Variants in DCHS2 observed in about 807,000 individuals in gnomAD.
DCHS2 encodes protocadherin-23.
A neutral mutation model predicts 182.4 loss-of-function variants in DCHS2; 142 were observed. The ratio of observed to expected loss-of-function variants is 0.78; its 90% CI spans 0.68 to 0.89. The LOEUF (loss-of-function observed/expected upper bound fraction) is 0.89, where lower values mean the gene tolerates loss of function less well. Ranked by LOEUF, DCHS2 falls within the 40% of genes least tolerant of loss-of-function variation. The pLI, the probability that DCHS2 is intolerant of heterozygous loss-of-function variation, is 0.00. For missense variants in DCHS2, 4,319 were observed against 4,198.6 expected (o/e 1.03, Z -0.79); for synonymous variants, 1,740 against 1,663.3 (o/e 1.05, Z -1.12).
At position 154,253,170 on chromosome 4, in the gene DCHS2, GGA is replaced by G. The variant is rs150322346; in HGVS notation, c.6941+2347_6941+2348del. 8.4e-3 allele frequency among the ~76,000 whole-genome samples: 1,236 copies of G among 147,538 alleles called. 10 individuals are homozygous for G. Among genetic ancestry groups the G allele is most frequent in the African/African-American group, 0.028 (1,121 of 39,788 alleles). ...AATAATTCCTTGCCTTGGTGATGCT[GGA>G]GAGAGAGAGAGAGAGAGAGAGTGTG... is the stretch of plus-strand genomic sequence containing the variant. On this transcript the variant is annotated intron_variant, in intron 16 of 19. Transcript: ENST00000357232.
chr4:154,265,000 G>C (rs1005086689), intron 14 of DCHS2, among the ~76,000 whole-genome samples: 1 of 152,158 alleles, frequency 6.6e-6, no homozygotes, highest in Non-Finnish European at 1.5e-5. Context: ...ATTGATTAAT[G>C]TTGGACTTTA....
intron 13 of DCHS2, among the ~76,000 whole-genome samples, chr4:154,291,657 A>T (rs145200001): frequency 3.9e-5 from 6 of 152,302 alleles, no homozygotes; most frequent in African/African-American, 1.4e-4. Flanking sequence ...ACATGGATGG[A>T]ACTGGAGGTC....
chr4:154,277,028 C>T (rs1733882032), intron 13 of DCHS2, among the ~76,000 whole-genome samples: 1 of 152,130 alleles, frequency 6.6e-6, no homozygotes, highest in Non-Finnish European at 1.5e-5. Flanking sequence ...GTTCTGTAGT[C>T]ATCTTTATTC....
chr4:154,389,995 C>T (rs1373137196), intron 1 of DCHS2, among the ~76,000 whole-genome samples: 1 of 152,118 alleles, frequency 6.6e-6, no homozygotes, highest in East Asian at 1.9e-4. Context: ...GGTAGCTGAT[C>T]CACGGACTGG....
At chr4:154,249,799 A>T (rs1242361694) in intron 16 of DCHS2, among the ~76,000 whole-genome samples, 1 of 151,690 alleles carries the variant, frequency 6.6e-6, no homozygotes, top group Non-Finnish European at 1.5e-5. Flanking sequence ...TAAACAAAAA[A>T]CCAAAATAGC....
At chr4:154,436,323 C>T (rs1388067) in intron 1 of DCHS2, among the ~76,000 whole-genome samples, 77,196 of 151,974 alleles carry the variant, frequency 0.51, 20,800 homozygotes, top group Middle Eastern at 0.67. Context: ...CTCTTTATAG[C>T]TTATTATCTA....
intron 1 of DCHS2, among the ~76,000 whole-genome samples, chr4:154,460,087 C>T (rs912899478): frequency 1.3e-5 from 2 of 152,136 alleles, no homozygotes; most frequent in Non-Finnish European, 2.9e-5. Flanking sequence ...TGAATTAATA[C>T]CCTATCTATG....
intron 3 of DCHS2, among the ~76,000 whole-genome samples, chr4:154,347,516 T>C (rs1293875595): frequency 3.3e-5 from 5 of 151,614 alleles, no homozygotes; most frequent in Non-Finnish European, 7.4e-5. Flanking sequence ...GAGGATAAAA[T>C]TACATCGTAT....
chr4:154,297,859 C>T lies in DCHS2; in HGVS notation c.6455G>A (p.Cys2152Tyr), dbSNP rs1029169011. ...HLYKGLVTEN[C>Y]EAGTSIVTVK... is the part of the protein sequence containing the mutation. ...CTTGAAGGGACACTCACCTGCCTCA[C>T]AATTTTCAGTCACGAGCCCTTTATA... is the stretch of plus-strand genomic sequence containing the variant. Residue 2152 changes from cysteine to tyrosine, a missense_variant, in exon 13 of 20, where the codon TGT becomes TAT. Transcript: ENST00000357232. 19 of 1,605,446 alleles carry T rather than the reference C, an allele frequency of 1.2e-5. No homozygotes were observed. In the Admixed American group the frequency reaches 2.6e-4, roughly 22 times the overall value.
intron 7 of DCHS2, chr4:154,323,257 G>A: frequency 8.0e-7 from 1 of 1,251,412 alleles, no homozygotes. Flanking sequence ...GATTTTGTTT[G>A]TTTGTTTGTT....
intron 7 of DCHS2, among the ~76,000 whole-genome samples, chr4:154,325,681 G>A (rs116742690): frequency 0.01 from 1,550 of 152,270 alleles, 23 homozygotes; most frequent in African/African-American, 0.032. Flanking sequence ...ATGTGGATCT[G>A]CTGCAGGCTC....
At position 154,490,460 on chromosome 4, in the gene DCHS2, T is replaced by A; in HGVS notation, c.896A>T (p.Asp299Val). ...ENDNPPVFEQ[D>V]EYRAAVREDA... is the part of the protein sequence containing the mutation. ...CTCGCGCACCGCGGCGCGGTACTCG[T>A]CCTGCTCAAAGACCGGCGGGTTGTC... The change falls in exon 1 of 20, where the codon GAC becomes GTC. Residue 299 changes from aspartate to valine, a missense_variant. Transcript: ENST00000357232. The A allele has an allele frequency of 6.5e-7, 1 of 1,536,706 alleles. No individual in the cohort carries two copies. Among genetic ancestry groups the A allele is most frequent in the Non-Finnish European group, 8.7e-7 (1 of 1,146,434 alleles).
rs572644852 is a variant in DCHS2 at position 154,467,463 on chromosome 4, C to T, written c.2052+21841G>A. Among the ~76,000 whole-genome samples the T allele has an allele frequency of 5.7e-4, 87 of 152,158 alleles. 1 individual carries two copies. In the South Asian group the frequency reaches 6.4e-3, roughly 11 times the overall value. On this transcript the variant is annotated intron_variant, in intron 1 of 19. Coordinates refer to ENST00000357232, the MANE Select transcript of DCHS2 (RefSeq NM_001358235.2). Reference sequence around the variant, plus strand: ...ACTCTAAATACATACTCTATAGCCACTGTAATAATTTAAACATGGAAGCCT... The same window carrying T: ...ACTCTAAATACATACTCTATAGCCATTGTAATAATTTAAACATGGAAGCCT...
intron 1 of DCHS2, among the ~76,000 whole-genome samples, chr4:154,444,021 C>T (rs1000408003): frequency 6.6e-6 from 1 of 151,858 alleles, no homozygotes; most frequent in African/African-American, 2.4e-5. Context: ...CTCCTGATTC[C>T]TCTCCTCCCT....
intron 1 of DCHS2, among the ~76,000 whole-genome samples, chr4:154,458,828 CT>C (rs1734881250): frequency 6.6e-6 from 1 of 152,162 alleles, no homozygotes; most frequent in African/African-American, 2.4e-5. Context: ...AGTTCAAATA[CT>C]GTCCTCTAAG....
At chr4:154,344,438 T>C (rs1269633442) in intron 3 of DCHS2, among the ~76,000 whole-genome samples, 1 of 152,214 alleles carries the variant, frequency 6.6e-6, no homozygotes, top group African/African-American at 2.4e-5. Context: ...AATATGCATA[T>C]CTATACATTC....
chr4:154,489,353 TACACCTGC>T lies in DCHS2; in HGVS notation c.1995_2002del (p.Val667CysfsTer20). Reference sequence around the variant, plus strand: ...GGCATGCTCTGCAATGGTGGCATTGTACACCTGCCTCCAGAAGATGGGCTCATTGTCAT... The same window carrying T: ...GGCATGCTCTGCAATGGTGGCATTGTCTCCAGAAGATGGGCTCATTGTCAT... On this transcript the variant is annotated frameshift_variant, in exon 1 of 20. Coordinates refer to ENST00000357232, the MANE Select transcript of DCHS2 (RefSeq NM_001358235.2). LOFTEE classifies it high-confidence loss of function. 1 of 1,548,212 alleles carries T rather than the reference TACACCTGC, an allele frequency of 6.5e-7. No individual in the cohort carries two copies. The highest frequency in any genetic ancestry group is 8.7e-7 in the Non-Finnish European group (1 of 1,144,474).
At chr4:154,325,448 G>T (rs1034917214) in intron 7 of DCHS2, among the ~76,000 whole-genome samples, 3 of 151,222 alleles carry the variant, frequency 2.0e-5, no homozygotes, top group Non-Finnish European at 4.4e-5. Context: ...AAGATATAAA[G>T]ATCTTATTGA....
intron 1 of DCHS2, among the ~76,000 whole-genome samples, chr4:154,482,034 C>T (rs566290115): frequency 6.6e-6 from 1 of 152,094 alleles, no homozygotes. Flanking sequence ...ACAGCCTGGG[C>T]TGTTTAAAAG....
Sources: allele counts gnomAD v4.1 joint callset (sites outside exome capture counted in the v4.1 genomes callset), GRCh38; gene constraint gnomAD v4.1.1; transcripts MANE v1.5; gene names NCBI Gene and HGNC (gene_info 2026-07-23, HGNC 2026-07-21).